The following ABCA3 variants were observed in gnomAD, a reference collection of about 807,000 sequenced individuals.
ABCA3 encodes ATP binding cassette subfamily A member 3.
A neutral mutation model predicts 172.8 loss-of-function variants in ABCA3; 88 were observed. The observed-to-expected ratio is 0.51, with a 90% CI of 0.43 to 0.61. The LOEUF is 0.61. ABCA3 is among the 20% of genes least tolerant of loss of function. ABCA3 has a pLI of 0.00. For synonymous variants in ABCA3, 1,066 were observed against 983.8 expected (o/e 1.08, Z -1.56); for missense variants, 2,164 against 2,301.0 (o/e 0.94, Z 1.22).
At chr16:2,295,456 G>T in intron 18 of ABCA3, 134 bp downstream of exon 18, 2 of 1,362,530 alleles carry the variant, frequency 1.5e-6, no homozygotes, top group Non-Finnish European at 2.1e-6. Context: ...TGGTGCCCAG[G>T]CTGAGGGTCT....
At chr16:2,316,929 G>C (rs1345132719) in intron 10 of ABCA3, among the ~76,000 whole-genome samples, 1 of 152,174 alleles carries the variant, frequency 6.6e-6, no homozygotes, top group Admixed American at 6.6e-5. Context: ...AAGCAAAAGA[G>C]AATGATAACA....
chr16:2,316,803 A>G (rs2141729303), intron 10 of ABCA3, among the ~76,000 whole-genome samples: 1 of 152,308 alleles, frequency 6.6e-6, no homozygotes, highest in East Asian at 1.9e-4. Context: ...GTAAGTAATC[A>G]AGTGAAACAT....
chr16:2,322,852 T>C (rs1302844435), intron 7 of ABCA3, among the ~76,000 whole-genome samples: 3 of 151,990 alleles, frequency 2.0e-5, no homozygotes, highest in Non-Finnish European at 2.9e-5. Flanking sequence ...GAAACTACCA[T>C]CAGAGTGAAC....
rs567525253 is a variant in ABCA3, at chr16:2,322,537, C to T, written c.613+986G>A. Among the ~76,000 whole-genome samples, 50 of 129,496 alleles carry T rather than the reference C, an allele frequency of 3.9e-4. No homozygotes were observed. The East Asian group carries it at 4.7e-3, about 12-fold the overall frequency. 85.0% of individuals were successfully genotyped at this position (129,496 alleles called of 152,430 possible). ...AATGCTATCCCTCCCCCCGCCCCCCCACCCCACAACAGGCCCCAGTGTGTG... is the reference window on the plus strand; with the variant it reads ...AATGCTATCCCTCCCCCCGCCCCCCTACCCCACAACAGGCCCCAGTGTGTG... On this transcript the variant is annotated intron_variant, in intron 7 of 32. Coordinates refer to ENST00000301732, the MANE Select transcript of ABCA3 (RefSeq NM_001089.3).
intron 9 of ABCA3, 119 bp downstream of exon 9, chr16:2,317,529 C>G (rs973741518): frequency 1.3e-6 from 2 of 1,573,664 alleles, no homozygotes; most frequent in African/African-American, 2.7e-5. Flanking sequence ...AGCTCCTCTC[C>G]CCCATGAGGG....
Position 2,283,474 on chromosome 16 carries a change from T to A in ABCA3, c.3863-116A>T. On this transcript the variant is annotated intron_variant, in intron 25 of 32. Transcript: ENST00000301732. The surrounding 1 kb of genome is among the most constrained non-coding windows in gnomAD (Gnocchi z 5.4). ...TCAAGGCGCCTGTAACAATGTCCCCTCCATGGGGAGATGTGAAGGCCAGTA... is the reference window on the plus strand; with the variant it reads ...TCAAGGCGCCTGTAACAATGTCCCCACCATGGGGAGATGTGAAGGCCAGTA... 8.3e-7 allele frequency: 1 copy of A among 1,209,026 alleles called. No homozygotes were observed. The highest frequency in any genetic ancestry group is 1.2e-6 in the Non-Finnish European group (1 of 867,410). The allele number at this position is 1,209,026 out of a possible 1,614,324, so 74.9% of individuals were successfully genotyped here.
chr16:2,333,302 C>T (rs539916522), intron 1 of ABCA3, among the ~76,000 whole-genome samples: 3 of 152,136 alleles, frequency 2.0e-5, no homozygotes, highest in Admixed American at 6.5e-5. Context: ...TCCACAAAGG[C>T]ATAGAGAAAT....
intron 26 of ABCA3, among the ~76,000 whole-genome samples, chr16:2,282,579 C>T (rs1395061660): frequency 6.6e-6 from 1 of 152,168 alleles, no homozygotes; most frequent in African/African-American, 2.4e-5. Context: ...CGTGGAGCAC[C>T]CCTCAGCCCC....
Position 2,304,066 on chromosome 16 carries a change from A to G in ABCA3, c.1370T>C (p.Leu457Pro). Residue 457 changes from leucine to proline, a missense_variant, in exon 12 of 33, where the codon CTG becomes CCG. Coordinates refer to ENST00000301732, the MANE Select transcript of ABCA3 (RefSeq NM_001089.3). ...FCFGQVLGML[L>P]LDSVLYGLVT... ...CAGGCCATAGAGCACAGAGTCCAGCAGCAGCATCCCCAGCACCTGCCCGAA... is the reference window on the plus strand; with the variant it reads ...CAGGCCATAGAGCACAGAGTCCAGCGGCAGCATCCCCAGCACCTGCCCGAA... 3.1e-6 allele frequency: 5 copies of G among 1,614,218 alleles called. No individual in the cohort carries two copies. Among genetic ancestry groups the G allele is most frequent in the Non-Finnish European group, 4.2e-6 (5 of 1,180,038 alleles).
At position 2,293,367 on chromosome 16, in the gene ABCA3, C is replaced by CTTT. The variant is rs71148126; in HGVS notation, c.2415-1132_2415-1130dup. Among the ~76,000 whole-genome samples, 517 of 103,408 alleles carry CTTT rather than the reference C, an allele frequency of 5.0e-3. 10 individuals are homozygous for CTTT. Among genetic ancestry groups the CTTT allele is most frequent in the African/African-American group, 0.017 (471 of 27,654 alleles). 67.8% of individuals were successfully genotyped at this position (103,408 alleles called of 152,430 possible). ...AAGCTACCGTGCCTGGCCAAAATGC[C>CTTT]TTTTTTTTTTTTTTTTTTTTTGGAG... On this transcript the variant is annotated intron_variant, in intron 18 of 32. Transcript: ENST00000301732.
Position 2,297,493 on chromosome 16 carries a change from C to T in ABCA3, c.2099G>A (p.Arg700Lys), listed in dbSNP as rs763497359. ...CTGAAGAAGATCCCAGATGGCCCTC[C>T]TGGAGATGGCGTCCATGCCCGAGGT... ...EPTSGMDAIS[R>K]RAIWDLLQRQ... The change falls in exon 17 of 33, where the codon AGG becomes AAG. Residue 700 changes from arginine to lysine, a missense_variant. Arg to Lys is a conservative substitution (Grantham distance 26, BLOSUM62 2). This residue lies in a region of ABCA3 where 1,343 missense variants were observed against 1,369.6 expected (regional missense o/e 0.98). Coordinates refer to ENST00000301732, the MANE Select transcript of ABCA3 (RefSeq NM_001089.3). This position sits in a 1 kb window ranked among gnomAD's most constrained non-coding sequence, Gnocchi z 5.6. The T allele has an allele frequency of 1.2e-6, 2 of 1,613,408 alleles. No homozygotes were observed. The highest frequency in any genetic ancestry group is 1.7e-5 in the Admixed American group (1 of 60,002).
rs1400842761 is a variant in ABCA3 at position 2,326,119 on chromosome 16, G to A, written c.210C>T (p.Thr70=). Residue 70 remains threonine, a synonymous_variant, in exon 5 of 33, where the codon ACC becomes ACT. Transcript: ENST00000301732. ...QSIQELPLFF[T]FPPPGDTWEL... The stretch of plus-strand genomic sequence containing the variant: ...CCCAGGTGTCTCCTGGCGGAGGGAA[G>A]GTGAAGAACAGAGGCAGCTCCTGGA... 4 of 1,614,148 alleles carry A rather than the reference G, an allele frequency of 2.5e-6. No homozygotes were observed. Among genetic ancestry groups the A allele is most frequent in the Non-Finnish European group, 2.5e-6 (3 of 1,180,048 alleles).
intron 5 of ABCA3, among the ~76,000 whole-genome samples, chr16:2,324,842 C>A (rs934057635): frequency 1.3e-5 from 2 of 152,168 alleles, no homozygotes; most frequent in Non-Finnish European, 2.9e-5. Context: ...CTGCAGTGGG[C>A]TCTGCAGCCC....
intron 10 of ABCA3, among the ~76,000 whole-genome samples, chr16:2,309,710 C>T (rs375307580): frequency 1.1e-4 from 16 of 152,268 alleles, no homozygotes; most frequent in East Asian, 9.6e-4. Context: ...CTCCACCTCC[C>T]GGGCCCAAGA....
chr16:2,297,519 G>A lies in ABCA3; in HGVS notation c.2073C>T (p.Pro691=). The change falls in exon 17 of 33, where the codon CCC becomes CCT. Residue 691 remains proline, a synonymous_variant. Coordinates refer to ENST00000301732, the MANE Select transcript of ABCA3 (RefSeq NM_001089.3). The surrounding 1 kb of genome is among the most constrained non-coding windows in gnomAD (Gnocchi z 5.6). ...AGSKVLILDE[P]TSGMDAISRR... is the part of the protein sequence containing the mutation. ...TGGAGATGGCGTCCATGCCCGAGGTGGGCTCGTCCAGTATCAGCACCTGGA... is the reference window on the plus strand; with the variant it reads ...TGGAGATGGCGTCCATGCCCGAGGTAGGCTCGTCCAGTATCAGCACCTGGA... The A allele has an allele frequency of 6.2e-7, 1 of 1,612,766 alleles. No individual in the cohort carries two copies. The highest frequency in any genetic ancestry group is 8.5e-7 in the Non-Finnish European group (1 of 1,179,958).
chr16:2,283,606 G>T lies in ABCA3; in HGVS notation c.3863-248C>A, dbSNP rs1423611369. On this transcript the variant is annotated intron_variant, in intron 25 of 32. Coordinates refer to ENST00000301732, the MANE Select transcript of ABCA3 (RefSeq NM_001089.3). This position sits in a 1 kb window ranked among gnomAD's most constrained non-coding sequence, Gnocchi z 5.4. ...GGCAGACCCAGGGCAGCAACAGCCCGCCTGAGAGGCACAGGCTCTGCGTGA... is the reference window on the plus strand; with the variant it reads ...GGCAGACCCAGGGCAGCAACAGCCCTCCTGAGAGGCACAGGCTCTGCGTGA... The T allele has an allele frequency of 3.9e-6, 2 of 508,480 alleles. No individual in the cohort carries two copies. The highest frequency in any genetic ancestry group is 4.1e-5 in the South Asian group (2 of 48,368). The allele number at this position is 508,480 out of a possible 1,614,324, so 31.5% of individuals were successfully genotyped here. A position where few individuals can be genotyped will look rare whatever the true frequency, so the allele number is the denominator to read the frequency against.
intron 1 of ABCA3, among the ~76,000 whole-genome samples, chr16:2,330,136 A>G (rs2093740717): frequency 6.6e-6 from 1 of 151,674 alleles, no homozygotes; most frequent in Non-Finnish European, 1.5e-5. Context: ...TCTCTACTAA[A>G]AACACAAAAA....
At chr16:2,282,568 AC>A (rs1355735920) in intron 26 of ABCA3, among the ~76,000 whole-genome samples, 1 of 152,234 alleles carries the variant, frequency 6.6e-6, no homozygotes, top group Non-Finnish European at 1.5e-5. Flanking sequence ...TTCAATAAAC[AC>A]GTGGAGCACC....
intron 2 of ABCA3, among the ~76,000 whole-genome samples, chr16:2,329,011 A>C (rs1258438252): frequency 2.9e-5 from 4 of 138,660 alleles, no homozygotes; most frequent in Non-Finnish European, 4.6e-5. Context: ...TTTTTTTTTT[A>C]AGATGTGGCT....
Sources: gnomAD v4.1 joint callset for allele counts (sites outside exome capture counted in the v4.1 genomes callset) on GRCh38, gnomAD v4.1.1 for gene constraint, gnomAD v4.1.1 regional missense constraint, Gnocchi (gnomAD v3.1) non-coding constraint, MANE v1.5 for transcripts, NCBI Gene and HGNC (gene_info 2026-07-23, HGNC 2026-07-21) for gene names.